DLC1: variants seen among roughly 807,000 people sequenced by gnomAD.
DLC1 encodes rho GTPase-activating protein 7.
Under a neutral mutation model 140.3 loss-of-function variants are expected in DLC1, and 54 were observed. That is an observed-to-expected ratio of 0.38 (90% CI 0.31 to 0.48). The LOEUF is 0.48. Among genes scored for constraint, DLC1 ranks in the 20% least tolerant of loss-of-function variants. The pLI is 0.96. For synonymous variants in DLC1, 986 were observed against 728.1 expected (o/e 1.35, Z -5.70); for missense variants, 2,536 against 1,907.0 (o/e 1.33, Z -6.14).
At chr8:13,096,230 C>T (rs1818488747) in intron 10 of DLC1, among the ~76,000 whole-genome samples, 1 of 152,200 alleles carries the variant, frequency 6.6e-6, no homozygotes, top group Non-Finnish European at 1.5e-5. Flanking sequence ...CTGACCAGAA[C>T]TCAAGAAGTA....
chr8:13,391,819 A>G (rs1228357957), intron 4 of DLC1, among the ~76,000 whole-genome samples: 1 of 152,140 alleles, frequency 6.6e-6, no homozygotes, highest in African/African-American at 2.4e-5. Context: ...ACTGCCCTGC[A>G]GGATACTAAC....
At chr8:13,468,339 T>TCCCCCCCCCC (rs1563373506) in intron 2 of DLC1, among the ~76,000 whole-genome samples, 1 of 59,894 alleles carries the variant, frequency 1.7e-5, no homozygotes, top group Non-Finnish European at 3.6e-5. Flanking sequence ...CTTCCCCCCA[T>TCCCCCCCCCC]TCCCCTCCCC....
At chr8:13,524,853 A>G (rs1011369495) in intron 1 of DLC1, among the ~76,000 whole-genome samples, 1 of 152,186 alleles carries the variant, frequency 6.6e-6, no homozygotes, top group South Asian at 2.1e-4. Flanking sequence ...CTGACACAAT[A>G]AACTCTACAT....
At chr8:13,190,846 G>T (rs1360097662) in intron 5 of DLC1, among the ~76,000 whole-genome samples, 1 of 152,110 alleles carries the variant, frequency 6.6e-6, no homozygotes, top group Non-Finnish European at 1.5e-5. Flanking sequence ...GCCAAGTGTG[G>T]GGGGAAGTTG....
chr8:13,463,360 C>T (rs1290643712), intron 2 of DLC1, among the ~76,000 whole-genome samples: 1 of 152,022 alleles, frequency 6.6e-6, no homozygotes, highest in Non-Finnish European at 1.5e-5. Flanking sequence ...AGAGATTAAT[C>T]ATTGAAAGAG....
intron 4 of DLC1, among the ~76,000 whole-genome samples, chr8:13,392,491 A>G (rs980999101): frequency 6.6e-6 from 1 of 152,176 alleles, no homozygotes; most frequent in Admixed American, 6.6e-5. Flanking sequence ...CATGTTTTAA[A>G]ATCAGAGTAT....
chr8:13,298,054 T>A (rs1275493230), intron 5 of DLC1, among the ~76,000 whole-genome samples: 1 of 152,120 alleles, frequency 6.6e-6, no homozygotes, highest in Non-Finnish European at 1.5e-5. Context: ...CAAAGAAGTG[T>A]TTCATTTCTA....
At chr8:13,173,462 C>G (rs1825598477) in intron 5 of DLC1, among the ~76,000 whole-genome samples, 1 of 149,786 alleles carries the variant, frequency 6.7e-6, no homozygotes, top group African/African-American at 2.4e-5. Flanking sequence ...AACTCCGCCT[C>G]CCGTGTTGAA....
intron 5 of DLC1, among the ~76,000 whole-genome samples, chr8:13,250,105 T>C (rs1829939142): frequency 6.6e-6 from 1 of 152,216 alleles, no homozygotes; most frequent in South Asian, 2.1e-4. Flanking sequence ...GTGTCCCCAT[T>C]GCCTGGCACA....
chr8:13,178,924 T>A (rs1199082729), intron 5 of DLC1, among the ~76,000 whole-genome samples: 1 of 152,154 alleles, frequency 6.6e-6, no homozygotes, highest in Non-Finnish European at 1.5e-5. Context: ...CGAATACCAA[T>A]TTACCAAATA....
Position 13,099,395 on chromosome 8 carries a change from G to T in DLC1, c.2942C>A (p.Pro981Gln). ...CCCAACCCCAGAATCCCTTCTTTCC[G>T]GGATCTCGGAGGGCTCTTCCGGTTC... ...LNEPEEPSEI[P>Q]ERRDSGVGAS... Residue 981 changes from proline to glutamine, a missense_variant, in exon 9 of 18, where the codon CCG (proline) becomes CAG (glutamine). Transcript: ENST00000276297. 6.2e-7 allele frequency: 1 copy of T among 1,614,054 alleles called. No individual in the cohort carries two copies. The highest frequency in any genetic ancestry group is 1.6e-4 in the Middle Eastern group (1 of 6,062).
chr8:13,276,358 C>T, intron 5 of DLC1: 1 of 1,523,502 alleles, frequency 6.6e-7, no homozygotes, highest in Non-Finnish European at 8.8e-7. Flanking sequence ...CGGAGAGGGG[C>T]TCGCAGGGGG....
chr8:13,595,999 A>G (rs1481610270), intron 1 of DLC1, among the ~76,000 whole-genome samples: 1 of 152,064 alleles, frequency 6.6e-6, no homozygotes, highest in Non-Finnish European at 1.5e-5. Flanking sequence ...CCCCACAAAC[A>G]TATATACATA....
chr8:13,216,738 G>T (rs1225193692), intron 5 of DLC1, among the ~76,000 whole-genome samples: 2 of 151,998 alleles, frequency 1.3e-5, no homozygotes, highest in Non-Finnish European at 1.5e-5. Context: ...GGTCTGTCCT[G>T]TGCATTATAG....
intron 5 of DLC1, among the ~76,000 whole-genome samples, chr8:13,232,082 T>C (rs1423416491): frequency 6.6e-6 from 1 of 152,092 alleles, no homozygotes; most frequent in Non-Finnish European, 1.5e-5. Context: ...TGCTCTGAAA[T>C]AAGGAGGTGG....
chr8:13,392,456 C>G (rs143733007), intron 4 of DLC1, among the ~76,000 whole-genome samples: 59 of 152,196 alleles, frequency 3.9e-4, no homozygotes, highest in African/African-American at 1.4e-3. Flanking sequence ...TATTTTCATT[C>G]TTCTTGCAAT....
chr8:13,251,814 A>G (rs1586007223), intron 5 of DLC1, among the ~76,000 whole-genome samples: 1 of 152,304 alleles, frequency 6.6e-6, no homozygotes, highest in Non-Finnish European at 1.5e-5. Flanking sequence ...AGGGTTATTT[A>G]TGTTTAAGCA....
chr8:13,238,354 A>C (rs748721052), intron 5 of DLC1, among the ~76,000 whole-genome samples: 5 of 152,032 alleles, frequency 3.3e-5, no homozygotes, highest in African/African-American at 4.8e-5. Context: ...TCTACAAATA[A>C]ACACAAAAAA....
chr8:13,418,929 C>T (rs1305843186), intron 2 of DLC1, among the ~76,000 whole-genome samples: 3 of 152,030 alleles, frequency 2.0e-5, no homozygotes, highest in African/African-American at 4.8e-5. Flanking sequence ...AGGTCCTTCA[C>T]GTCCCTTGTA....
Sources: gnomAD v4.1 joint callset for allele counts (sites outside exome capture counted in the v4.1 genomes callset) on GRCh38, gnomAD v4.1.1 for gene constraint, MANE v1.5 for transcripts, NCBI Gene and HGNC (gene_info 2026-07-23, HGNC 2026-07-21) for gene names.